PCSK2: variants seen among roughly 807,000 people sequenced by gnomAD.
PCSK2 encodes the protein neuroendocrine convertase 2.
In PCSK2, 14 loss-of-function variants were observed where a neutral mutation model predicts 69.7. That is an observed-to-expected ratio of 0.20 (90% confidence interval 0.13 to 0.31). The LOEUF is 0.31. Ranked by LOEUF, PCSK2 falls within the 10% of genes least tolerant of loss-of-function variation. PCSK2 has a pLI of 1.00. For missense variants in PCSK2, 544 were observed against 842.5 expected (o/e 0.65, Z 4.39); for synonymous variants, 307 against 320.7 (o/e 0.96, Z 0.46).
intron 2 of PCSK2, among the ~76,000 whole-genome samples, chr20:17,291,152 C>T (rs1477810995): frequency 2.1e-5 from 3 of 144,548 alleles, no homozygotes; most frequent in Non-Finnish European, 4.6e-5. Context: ...AAAAAAAAAA[C>T]TCCTTCCCTC....
chr20:17,438,601 A>G (rs1275545946), intron 8 of PCSK2, among the ~76,000 whole-genome samples: 1 of 152,146 alleles, frequency 6.6e-6, no homozygotes, highest in Non-Finnish European at 1.5e-5. Context: ...ACTACAATGG[A>G]TGCCATTGGT....
Position 17,264,616 on chromosome 20 carries a change from A to C in PCSK2, c.282+4272A>C, listed in dbSNP as rs182058919. Among the ~76,000 whole-genome samples, 45 of 152,344 alleles carry C rather than the reference A, an allele frequency of 3.0e-4. 2 individuals carry two copies. The East Asian group carries it at 8.7e-3, about 29-fold the overall frequency. On this transcript the variant is annotated intron_variant, in intron 2 of 11. Transcript: ENST00000262545. ...GTTTTCAAGATACTGCCAATAACCC[A>C]CAAAATTTAGCTTCACTGGATAATA... is the stretch of plus-strand genomic sequence containing the variant.
chr20:17,346,776 T>C (rs558048914), intron 2 of PCSK2, among the ~76,000 whole-genome samples: 1 of 152,262 alleles, frequency 6.6e-6, no homozygotes, highest in African/African-American at 2.4e-5. Context: ...CTTAATATAA[T>C]TTCCTAAATC....
At chr20:17,363,553 C>A (rs1462089376) in intron 4 of PCSK2, among the ~76,000 whole-genome samples, 1 of 152,112 alleles carries the variant, frequency 6.6e-6, no homozygotes, top group Non-Finnish European at 1.5e-5. Context: ...GTGATCATGA[C>A]AAGATACAGG....
At chr20:17,474,152 C>T (rs1031236937) in intron 11 of PCSK2, among the ~76,000 whole-genome samples, 13 of 152,180 alleles carry the variant, frequency 8.5e-5, no homozygotes, top group African/African-American at 3.1e-4. Context: ...GGGCTATGCA[C>T]CACCCCAGCT....
chr20:17,401,404 G>A (rs1010223909), intron 5 of PCSK2, among the ~76,000 whole-genome samples: 1 of 152,008 alleles, frequency 6.6e-6, no homozygotes, highest in Non-Finnish European at 1.5e-5. Flanking sequence ...TGTTAAACAG[G>A]CTCCCTCAGG....
intron 2 of PCSK2, among the ~76,000 whole-genome samples, chr20:17,338,282 C>T (rs796767134): frequency 1.3e-4 from 19 of 151,996 alleles, no homozygotes; most frequent in East Asian, 5.8e-4. Context: ...CTGCAACCTC[C>T]GCCTCCCAGG....
At chr20:17,345,820 C>A (rs937908273) in intron 2 of PCSK2, among the ~76,000 whole-genome samples, 1 of 152,140 alleles carries the variant, frequency 6.6e-6, no homozygotes, top group Admixed American at 6.5e-5. Context: ...TACTCTCCAC[C>A]CACCCATCTC....
intron 2 of PCSK2, among the ~76,000 whole-genome samples, chr20:17,273,676 A>C (rs1987952153): frequency 6.6e-6 from 1 of 152,172 alleles, no homozygotes; most frequent in South Asian, 2.1e-4. Context: ...TTTCTTCCAG[A>C]ACGTTGTGAA....
At chr20:17,362,000 A>G (rs1020504297) in intron 4 of PCSK2, among the ~76,000 whole-genome samples, 2 of 152,238 alleles carry the variant, frequency 1.3e-5, no homozygotes, top group African/African-American at 4.8e-5. Context: ...TTCTAACAGC[A>G]TATCCTACTG....
chr20:17,295,743 C>T (rs1600460853), intron 2 of PCSK2, among the ~76,000 whole-genome samples: 1 of 151,794 alleles, frequency 6.6e-6, no homozygotes, highest in African/African-American at 2.4e-5. Context: ...TTTGTAGAGA[C>T]GGGGGTCTTA....
intron 2 of PCSK2, among the ~76,000 whole-genome samples, chr20:17,285,566 A>T (rs73249899): frequency 1.2e-4 from 19 of 152,350 alleles, no homozygotes; most frequent in African/African-American, 4.6e-4. Flanking sequence ...ATAATTTTTA[A>T]CACTGTAAAT....
Position 17,322,851 on chromosome 20 carries a change from TC to T in PCSK2, c.283-35475del, listed in dbSNP as rs938982089. On this transcript the variant is annotated intron_variant, in intron 2 of 11. Coordinates refer to ENST00000262545, the MANE Select transcript of PCSK2 (RefSeq NM_002594.5). Reference sequence around the variant, plus strand: ...TAATCACTTTCCAAAAGGCCCCAGTTCTTTTTTGTTTTGTTTTGTTTTGTTT... The same window carrying T: ...TAATCACTTTCCAAAAGGCCCCAGTTTTTTTTGTTTTGTTTTGTTTTGTTT... Among the ~76,000 whole-genome samples the T allele has an allele frequency of 3.9e-4, 59 of 152,150 alleles. 1 individual carries two copies. The highest frequency in any genetic ancestry group is 1.3e-3 in the African/African-American group (54 of 41,438).
At chr20:17,241,926 T>C (rs970293805) in intron 1 of PCSK2, among the ~76,000 whole-genome samples, 3 of 152,214 alleles carry the variant, frequency 2.0e-5, no homozygotes, top group Admixed American at 6.5e-5. Context: ...TCTGGAATGA[T>C]ATATGGAAAT....
chr20:17,456,235 T>A, intron 9 of PCSK2, 113 bp from the exon 10 acceptor site: 2 of 675,578 alleles, frequency 3.0e-6, no homozygotes, highest in Non-Finnish European at 5.3e-6. Context: ...AGTGAGGCTG[T>A]CTCAATAAAT....
intron 5 of PCSK2, among the ~76,000 whole-genome samples, chr20:17,397,449 G>T (rs1293167627): frequency 6.6e-6 from 1 of 151,636 alleles, no homozygotes. Context: ...AATCCCTCCA[G>T]CAGCCCTCAA....
intron 2 of PCSK2, among the ~76,000 whole-genome samples, chr20:17,288,398 C>T (rs1988589763): frequency 1.3e-5 from 2 of 152,124 alleles, no homozygotes; most frequent in African/African-American, 2.4e-5. Flanking sequence ...AGGTGCAATT[C>T]CAAGGGTGCA....
At chr20:17,421,534 G>C (rs768139074) in intron 6 of PCSK2, among the ~76,000 whole-genome samples, 1 of 152,058 alleles carries the variant, frequency 6.6e-6, no homozygotes, top group Non-Finnish European at 1.5e-5. Flanking sequence ...TTTCTCCAAA[G>C]CCAAGGGTGA....
intron 2 of PCSK2, among the ~76,000 whole-genome samples, chr20:17,312,080 C>G (rs1191973359): frequency 6.6e-6 from 1 of 152,176 alleles, no homozygotes; most frequent in East Asian, 1.9e-4. Context: ...TGACTGCAAA[C>G]ACGTCATTTC....
Sources: gnomAD v4.1 joint callset for allele counts (sites outside exome capture counted in the v4.1 genomes callset) on GRCh38, gnomAD v4.1.1 for gene constraint, MANE v1.5 for transcripts, NCBI Gene and HGNC (gene_info 2026-07-23, HGNC 2026-07-21) for gene names.